FKBP15: variants seen among roughly 807,000 people sequenced by gnomAD.
FKBP15 encodes the protein FKBP prolyl isomerase family member 15, also known as FK506-binding protein 15.
A neutral mutation model predicts 158.1 loss-of-function variants in FKBP15; 106 were observed. The observed-to-expected ratio is 0.67, with a 90% CI of 0.57 to 0.79. FKBP15 has a LOEUF of 0.79. Ranked by LOEUF, FKBP15 falls within the 30% of genes least tolerant of loss-of-function variation. The probability of loss-of-function intolerance (pLI) is 0.00; values close to 1 mark genes in which losing one functional copy is unlikely to be tolerated. For missense variants in FKBP15, 1,287 were observed against 1,479.1 expected, an observed-to-expected ratio of 0.87 and a Z score of 2.13; for synonymous variants, 547 against 548.6, an observed-to-expected ratio of 1.00 and a Z score of 0.04.
rs977942399 is a variant in FKBP15, at chr9:113,169,572, G to A, written c.3137C>T (p.Pro1046Leu). 1 of 1,614,028 alleles carries A rather than the reference G, an allele frequency of 6.2e-7. No homozygotes were observed. Among genetic ancestry groups the A allele is most frequent in the South Asian group, 1.1e-5 (1 of 91,086 alleles). Residue 1046 changes from proline to leucine, a missense_variant, in exon 26 of 28, where the codon CCT (proline) becomes CTT (leucine). By Grantham distance (98) the Pro-to-Leu change is moderately conservative. Transcript: ENST00000238256. ...CATGGATACAGGGCCTAGGGGCTCAGGTGGAATTGAAGTCGGGGGCCCTAG... is the reference window on the plus strand; with the variant it reads ...CATGGATACAGGGCCTAGGGGCTCAAGTGGAATTGAAGTCGGGGGCCCTAG... ...RVLGPPTSIP[P>L]EPLGPVSMDS... is the part of the protein sequence containing the mutation.
chr9:113,214,199 T>G (rs1831074561), intron 1 of FKBP15, among the ~76,000 whole-genome samples: 1 of 152,210 alleles, frequency 6.6e-6, no homozygotes, highest in Non-Finnish European at 1.5e-5. Context: ...TTCACCATGT[T>G]GCCCAGGCTG....
chr9:113,184,335 A>C lies in FKBP15; in HGVS notation c.1673T>G (p.Met558Arg), dbSNP rs1307912075. 1.2e-6 allele frequency: 2 copies of C among 1,606,240 alleles called. No homozygotes were observed. The highest frequency in any genetic ancestry group is 1.7e-6 in the Non-Finnish European group (2 of 1,176,022). The part of the protein sequence containing the change: ...SMLIPSMSVT[M>R]ETSMIMSNIQ... ...GTTGCTCATAATCATGCTTGTTTCC[A>C]TTGTAACTGACATGCTAGGAATAAG... Residue 558 changes from methionine to arginine, a missense_variant, in exon 17 of 28, where the codon ATG becomes AGG. By Grantham distance (91) the Met-to-Arg change is moderately conservative. Transcript: ENST00000238256. The surrounding 1 kb of genome is among the most constrained non-coding windows in gnomAD (Gnocchi z 4.5).
At position 113,169,836 on chromosome 9, in the gene FKBP15, T is replaced by C; in HGVS notation, c.2873A>G (p.Glu958Gly). Residue 958 changes from glutamate to glycine, a missense_variant, in exon 26 of 28, where the codon GAG becomes GGG. Coordinates refer to ENST00000238256, the MANE Select transcript of FKBP15 (RefSeq NM_015258.2). ...AEERPRRPSQ[E>G]QSASASSGQP... ...CCCAGAACTGGCTGAGGCTGACTGCTCCTGGGAAGGTCTTCGTGGCCGCTC... is the reference window on the plus strand; with the variant it reads ...CCCAGAACTGGCTGAGGCTGACTGCCCCTGGGAAGGTCTTCGTGGCCGCTC... The C allele has an allele frequency of 6.4e-7, 1 of 1,559,568 alleles. No homozygotes were observed. Among genetic ancestry groups the C allele is most frequent in the Non-Finnish European group, 8.7e-7 (1 of 1,151,262 alleles).
At chr9:113,183,497 T>C (rs998819260) in intron 18 of FKBP15, among the ~76,000 whole-genome samples, 3 of 152,016 alleles carry the variant, frequency 2.0e-5, no homozygotes, top group Non-Finnish European at 4.4e-5. Flanking sequence ...CAGGAATAAA[T>C]AACATGCCCA....
In FKBP15 at chr9:113,164,403, A is replaced by C. The variant is rs567242924; in HGVS notation, c.*1675T>G. On this transcript the variant is annotated 3_prime_UTR_variant, in exon 28 of 28. Coordinates refer to ENST00000238256, the MANE Select transcript of FKBP15 (RefSeq NM_015258.2). ...AACAAGTATTAATTGAGTACATGCT[A>C]TAAGAAAAGTAACTGTCACACGGAC... is the stretch of plus-strand genomic sequence containing the variant. 6.6e-6 allele frequency: 1 copy of C among 152,262 alleles called. No homozygotes were observed. Among genetic ancestry groups the C allele is most frequent in the Admixed American group, 6.5e-5 (1 of 15,292 alleles). 9.4% of individuals were successfully genotyped at this position (152,262 alleles called of 1,614,324 possible).
In FKBP15 at chr9:113,161,873, T is replaced by A. The variant is rs1298971635; in HGVS notation, c.*4205A>T. ...GTGAACTAGAGCTCATGTCTCCTGATGCCCAGGCCAAAGCACTCTGTGAAC... is the reference window on the plus strand; with the variant it reads ...GTGAACTAGAGCTCATGTCTCCTGAAGCCCAGGCCAAAGCACTCTGTGAAC... On this transcript the variant is annotated 3_prime_UTR_variant, in exon 28 of 28. Transcript: ENST00000238256. The A allele has an allele frequency of 1.4e-6, 1 of 733,924 alleles. No individual in the cohort carries two copies. Among genetic ancestry groups the A allele is most frequent in the South Asian group, 1.5e-5 (1 of 67,280 alleles). The allele number at this position is 733,924 out of a possible 1,614,324, so 45.5% of individuals were successfully genotyped here.
At chr9:113,191,033 G>A (rs1303576197) in intron 11 of FKBP15, among the ~76,000 whole-genome samples, 2 of 152,134 alleles carry the variant, frequency 1.3e-5, no homozygotes, top group Non-Finnish European at 2.9e-5. Context: ...ACTATGACTT[G>A]GCATTAACTA....
Position 113,163,083 on chromosome 9 carries a change from C to T in FKBP15, c.*2995G>A, listed in dbSNP as rs1830043289. ...CACTTGCTCCCTGGAGTTCGGAAGC[C>T]ATTGCAGCAACCTTCCTTCTCAGCC... On this transcript the variant is annotated 3_prime_UTR_variant, in exon 28 of 28. Transcript: ENST00000238256. The T allele has an allele frequency of 3.3e-6, 2 of 601,208 alleles. No individual in the cohort carries two copies. 37.2% of individuals were successfully genotyped at this position (601,208 alleles called of 1,614,324 possible). A position where few individuals can be genotyped will look rare whatever the true frequency, so the allele number is the denominator to read the frequency against.
At chr9:113,212,157 T>C (rs1831019156) in intron 1 of FKBP15, among the ~76,000 whole-genome samples, 1 of 152,212 alleles carries the variant, frequency 6.6e-6, no homozygotes. Context: ...CCACTGAAAC[T>C]GATCTTGCTA....
intron 11 of FKBP15, 65 bp downstream of exon 11, chr9:113,193,427 A>C: frequency 1.0e-5 from 14 of 1,358,784 alleles, no homozygotes; most frequent in South Asian, 6.3e-5. Flanking sequence ...CTCCTGCCTC[A>C]GCTTCGCAAA....
chr9:113,212,513 T>C (rs1831029423), intron 1 of FKBP15, among the ~76,000 whole-genome samples: 1 of 152,210 alleles, frequency 6.6e-6, no homozygotes, highest in Admixed American at 6.5e-5. Context: ...TCTTTGCTAC[T>C]AACCCCAGTT....
chr9:113,211,631 A>C (rs1218408568), intron 1 of FKBP15, 39 bp from the exon 2 acceptor site: 2 of 1,436,612 alleles, frequency 1.4e-6, no homozygotes, highest in African/African-American at 2.8e-5. Context: ...TCACTGATAT[A>C]TCCCAAACCT....
At chr9:113,181,638 G>C (rs1830398320) in intron 19 of FKBP15, among the ~76,000 whole-genome samples, 1 of 152,138 alleles carries the variant, frequency 6.6e-6, no homozygotes, top group Non-Finnish European at 1.5e-5. Context: ...CAGTGTTTGT[G>C]GACCACTGAT....
Position 113,199,888 on chromosome 9 carries a change from G to A in FKBP15, c.574C>T (p.Pro192Ser). Residue 192 changes from proline to serine, a missense_variant, in exon 7 of 28, where the codon CCT becomes TCT. Physicochemically the swap from Pro to Ser is moderately conservative, Grantham distance 74 (BLOSUM62 -1). Coordinates refer to ENST00000238256, the MANE Select transcript of FKBP15 (RefSeq NM_015258.2). ...LSQDLIVADG[P>S]AVEVGDSLEV... is the part of the protein sequence containing the mutation. Reference sequence around the variant, plus strand: ...AAAGAATCTCCAACTTCTACAGCAGGGCCGTCTGCCACAATGAGGTCCTGG... The same window carrying A: ...AAAGAATCTCCAACTTCTACAGCAGAGCCGTCTGCCACAATGAGGTCCTGG... 6.2e-7 allele frequency: 1 copy of A among 1,613,322 alleles called. No homozygotes were observed. Among genetic ancestry groups the A allele is most frequent in the South Asian group, 1.1e-5 (1 of 90,864 alleles).
intron 2 of FKBP15, 134 bp downstream of exon 2, chr9:113,211,343 G>C: frequency 1.7e-6 from 1 of 583,128 alleles, no homozygotes. Context: ...ATTTTTTTTA[G>C]AGATGGGGTT....
intron 20 of FKBP15, 44 bp from the exon 21 acceptor site, chr9:113,176,717 G>GT: frequency 6.3e-7 from 1 of 1,593,674 alleles, no homozygotes. Flanking sequence ...AACCAAAGCT[G>GT]TAATGGGCTA....
At position 113,186,276 on chromosome 9, in the gene FKBP15, G is replaced by C. The variant is rs201838091; in HGVS notation, c.1471C>G (p.Pro491Ala). The change falls in exon 15 of 28, where the codon CCG becomes GCG. Residue 491 changes from proline to alanine, a missense_variant. By Grantham distance (27) the Pro-to-Ala change is conservative (BLOSUM62 -1). Transcript: ENST00000238256. The part of the protein sequence containing the change: ...LQPVRPLYPA[P>A]LSQPPHFQGS... ...TGGAAATGGGGAGGCTGAGAGAGCG[G>C]TGCTGGGTACAAAGGCCGAACGGGC... 249 of 1,567,304 alleles carry C rather than the reference G, an allele frequency of 1.6e-4. No individual in the cohort carries two copies. Among genetic ancestry groups the C allele is most frequent in the Non-Finnish European group, 2.0e-4 (234 of 1,155,340 alleles).
chr9:113,205,919 A>G (rs1587972696), intron 4 of FKBP15: 2 of 152,378 alleles, frequency 1.3e-5, no homozygotes, highest in Admixed American at 1.3e-4. Flanking sequence ...ATCAGTCACC[A>G]AAGACAAATA....
intron 20 of FKBP15, among the ~76,000 whole-genome samples, chr9:113,178,228 G>A (rs567985766): frequency 2.6e-5 from 4 of 152,156 alleles, no homozygotes; most frequent in African/African-American, 4.8e-5. Flanking sequence ...AGCAGGATGG[G>A]CCTTGAGTGT....
Sources: gnomAD v4.1 joint callset for allele counts (sites outside exome capture counted in the v4.1 genomes callset) on GRCh38, gnomAD v4.1.1 for gene constraint, Gnocchi (gnomAD v3.1) non-coding constraint, MANE v1.5 for transcripts, NCBI Gene and HGNC (gene_info 2026-07-23, HGNC 2026-07-21) for gene names.